SCYL3: variants seen among roughly 807,000 people sequenced by gnomAD.
The protein encoded by SCYL3 is SCY1 like pseudokinase 3, also known as protein-associating with the carboxyl-terminal domain of ezrin.
A neutral mutation model predicts 73.8 loss-of-function variants in SCYL3; 35 were observed. The ratio of observed to expected loss-of-function variants is 0.47; its 90% CI spans 0.36 to 0.63. The LOEUF (loss-of-function observed/expected upper bound fraction) is 0.63, where lower values mean the gene tolerates loss of function less well. Ranked by LOEUF, SCYL3 falls within the 20% of genes least tolerant of loss-of-function variation. The pLI is 0.00. For synonymous variants in SCYL3, 277 were observed against 295.2 expected, an observed-to-expected ratio of 0.94 and a Z score of 0.63; for missense variants, 712 against 798.9, an observed-to-expected ratio of 0.89 and a Z score of 1.31.
intron 2 of SCYL3, among the ~76,000 whole-genome samples, chr1:169,883,714 ATTTT>A (rs11311295): frequency 2.3e-4 from 23 of 100,072 alleles, no homozygotes; most frequent in South Asian, 7.3e-4. Context: ...CTCCAATTAC[ATTTT>A]TTTTTTTTTT....
chr1:169,879,188 G>A (rs1281926044), intron 2 of SCYL3, among the ~76,000 whole-genome samples: 1 of 152,220 alleles, frequency 6.6e-6, no homozygotes. Flanking sequence ...ACCTGAAGAA[G>A]CGACACCCAT....
At chr1:169,878,040 C>G (rs1660977993) in intron 3 of SCYL3, among the ~76,000 whole-genome samples, 1 of 152,146 alleles carries the variant, frequency 6.6e-6, no homozygotes, top group South Asian at 2.1e-4. Flanking sequence ...AACAGTAATA[C>G]TGTCAAGAAA....
chr1:169,852,730 A>G lies in SCYL3; in HGVS notation c.*983T>C. 2 of 1,563,218 alleles carry G rather than the reference A, an allele frequency of 1.3e-6. No individual in the cohort carries two copies. Among genetic ancestry groups the G allele is most frequent in the South Asian group, 1.1e-5 (1 of 87,334 alleles). On this transcript the variant is annotated 3_prime_UTR_variant, in exon 13 of 13. Transcript: ENST00000367771. ...TGCATGTAAGCTTTACTCCAGTCCA[A>G]AAGGAAGGTTCTTTATATTTAGAAT...
chr1:169,888,709 T>C lies in SCYL3; in HGVS notation c.132A>G (p.Arg44=), dbSNP rs751024366. The C allele has an allele frequency of 1.2e-6, 2 of 1,613,942 alleles. No individual in the cohort carries two copies. Among genetic ancestry groups the C allele is most frequent in the Non-Finnish European group, 1.7e-6 (2 of 1,179,934 alleles). ...GKFASVFVYK[R]ENEDKVNKAA... The stretch of plus-strand genomic sequence containing the variant: ...CTTTATTAACCTTGTCTTCATTTTC[T>C]CTCTTATACACAAAAACTGAAGCAA... The change falls in exon 2 of 13, where the codon AGA becomes AGG. Residue 44 remains arginine, a synonymous_variant. Coordinates refer to ENST00000367771, the MANE Select transcript of SCYL3 (RefSeq NM_020423.7).
chr1:169,851,898 A>C lies in SCYL3; in HGVS notation c.*1815T>G. 1.9e-6 allele frequency: 3 copies of C among 1,614,066 alleles called. No individual in the cohort carries two copies. In the South Asian group the frequency reaches 3.3e-5, roughly 18 times the overall value. ...AGGTATTTTCTGGGAACCCTTTGCT[A>C]ATGTGACTGTAGAAGAAGCAAAGAG... On this transcript the variant is annotated 3_prime_UTR_variant, in exon 13 of 13. Coordinates refer to ENST00000367771, the MANE Select transcript of SCYL3 (RefSeq NM_020423.7).
chr1:169,867,614 G>A (rs1227138777), intron 7 of SCYL3, among the ~76,000 whole-genome samples: 1 of 152,192 alleles, frequency 6.6e-6, no homozygotes, highest in Non-Finnish European at 1.5e-5. Flanking sequence ...GATACCACTT[G>A]GATCTTCACA....
intron 3 of SCYL3, 42 bp downstream of exon 3, chr1:169,878,592 T>C (rs778399197): frequency 6.7e-7 from 1 of 1,493,970 alleles, no homozygotes; most frequent in South Asian, 1.2e-5. Flanking sequence ...CCCACCCCCA[T>C]CTACATCAAA....
At chr1:169,861,794 TC>T (rs1448974205) in intron 10 of SCYL3, among the ~76,000 whole-genome samples, 1 of 152,142 alleles carries the variant, frequency 6.6e-6, no homozygotes, top group Non-Finnish European at 1.5e-5. Flanking sequence ...TTGAATAGTG[TC>T]CCTCCAAAAT....
In SCYL3 at chr1:169,877,215, G is replaced by A. The variant is rs537920223; in HGVS notation, c.352-1124C>T. On this transcript the variant is annotated intron_variant, in intron 3 of 12. Coordinates refer to ENST00000367771, the MANE Select transcript of SCYL3 (RefSeq NM_020423.7). ...CTGTTGCCCCAGCTGGAGTACAGTGGTGTGATCACAGCTCACTGCAGCCTT... is the reference window on the plus strand; with the variant it reads ...CTGTTGCCCCAGCTGGAGTACAGTGATGTGATCACAGCTCACTGCAGCCTT... 2.6e-4 allele frequency among the ~76,000 whole-genome samples: 40 copies of A among 152,262 alleles called. No individual in the cohort carries two copies. In the East Asian group the frequency reaches 7.5e-3, roughly 29 times the overall value.
In SCYL3 at chr1:169,853,636, C is replaced by T. The variant is rs370234381; in HGVS notation, c.*77G>A. The T allele has an allele frequency of 1.3e-6, 2 of 1,522,592 alleles. No homozygotes were observed. The highest frequency in any genetic ancestry group is 1.8e-6 in the Non-Finnish European group (2 of 1,108,682). The allele number at this position is 1,522,592 out of a possible 1,614,324, so 94.3% of individuals were successfully genotyped here. On this transcript the variant is annotated 3_prime_UTR_variant, in exon 13 of 13. Transcript: ENST00000367771. ...AGGCCACTTTGGGGTTTTCTTGTCC[C>T]AAAGCCTGCTTTTGAGGTATTGATT...
intron 8 of SCYL3, 36 bp downstream of exon 8, chr1:169,866,860 G>T: frequency 8.7e-7 from 1 of 1,148,020 alleles, no homozygotes; most frequent in Non-Finnish European, 1.3e-6. Flanking sequence ...CTTAATCCAA[G>T]TTATTCAATT....
At chr1:169,866,866 C>A in intron 8 of SCYL3, 30 bp downstream of exon 8, 1 of 1,204,174 alleles carries the variant, frequency 8.3e-7, no homozygotes, top group South Asian at 1.3e-5. Flanking sequence ...CCAAGTTATT[C>A]AATTTAAATT....
chr1:169,887,120 G>C (rs976955094), intron 2 of SCYL3, among the ~76,000 whole-genome samples: 1 of 152,148 alleles, frequency 6.6e-6, no homozygotes, highest in Non-Finnish European at 1.5e-5. Context: ...AGAATCTAAA[G>C]TTATCACTTT....
At chr1:169,862,358 ATTATTG>A (rs1659710207) in intron 10 of SCYL3, among the ~76,000 whole-genome samples, 1 of 152,244 alleles carries the variant, frequency 6.6e-6, no homozygotes. Context: ...TGCTCCATAC[ATTATTG>A]TTATTCATTT....
At chr1:169,868,040 A>C (rs1204255059) in intron 7 of SCYL3, among the ~76,000 whole-genome samples, 1 of 152,212 alleles carries the variant, frequency 6.6e-6, no homozygotes, top group Non-Finnish European at 1.5e-5. Flanking sequence ...TTAAAAATAC[A>C]AATTTTTAAA....
Position 169,878,627 on chromosome 1 carries a change from T to C in SCYL3, c.351+7A>G. 6.2e-7 allele frequency: 1 copy of C among 1,608,690 alleles called. No individual in the cohort carries two copies. Among genetic ancestry groups the C allele is most frequent in the Non-Finnish European group, 8.5e-7 (1 of 1,177,478 alleles). On this transcript the variant is annotated splice_region_variant and intron_variant, in intron 3 of 12. Coordinates refer to ENST00000367771, the MANE Select transcript of SCYL3 (RefSeq NM_020423.7). ...AGTCTGTGATGCAGACTATACAGGTTACTTACTCTGTCATGAAGGAAGATA... is the reference window on the plus strand; with the variant it reads ...AGTCTGTGATGCAGACTATACAGGTCACTTACTCTGTCATGAAGGAAGATA...
chr1:169,854,585 G>C lies in SCYL3; in HGVS notation c.1692C>G (p.Ser564Arg). 6.2e-7 allele frequency: 1 copy of C among 1,613,826 alleles called. No individual in the cohort carries two copies. The highest frequency in any genetic ancestry group is 8.5e-7 in the Non-Finnish European group (1 of 1,179,874). The change falls in exon 12 of 13, where the codon AGC (serine) becomes AGG (arginine). Residue 564 changes from serine to arginine, a missense_variant. By Grantham distance (110) the Ser-to-Arg change is moderately radical. Around this residue, in one of 2 missense-constraint regions of SCYL3, gnomAD observed 370 missense variants for 350.8 expected, o/e 1.05. Coordinates refer to ENST00000367771, the MANE Select transcript of SCYL3 (RefSeq NM_020423.7). The stretch of plus-strand genomic sequence containing the variant: ...GTACAAGGCTAATCTTTTGGGGTAA[G>C]CTTGATTTCCAAGGCATAGACTCTT... Reference protein sequence around the residue: ...LTEESMPWKSSLPQKISLVQR... With the variant: ...LTEESMPWKSRLPQKISLVQR...
At chr1:169,886,506 A>G (rs925283894) in intron 2 of SCYL3, among the ~76,000 whole-genome samples, 5 of 152,212 alleles carry the variant, frequency 3.3e-5, no homozygotes, top group South Asian at 2.1e-4. Context: ...AATACTAAAT[A>G]GAGCACTTAT....
intron 2 of SCYL3, among the ~76,000 whole-genome samples, chr1:169,880,168 G>T (rs1009465926): frequency 1.3e-5 from 2 of 151,432 alleles, no homozygotes; most frequent in African/African-American, 4.8e-5. Context: ...AATAACAAAA[G>T]GTCAAATAAA....
Sources: allele counts gnomAD v4.1 joint callset (sites outside exome capture counted in the v4.1 genomes callset), GRCh38; gene constraint gnomAD v4.1.1; regional missense constraint gnomAD v4.1.1; transcripts MANE v1.5; gene names NCBI Gene and HGNC (gene_info 2026-07-23, HGNC 2026-07-21).